B3GALT5: variants seen among roughly 807,000 people sequenced by gnomAD.
The protein encoded by B3GALT5 is UDP-Gal:betaGlcNAc beta 1,3-galactosyltransferase, polypeptide 5.
For missense variants in B3GALT5, 328 were observed against 396.6 expected (o/e 0.83, Z 1.47); for synonymous variants, 156 against 158.6 (o/e 0.98, Z 0.12).
chr21:39,641,022 G>A (rs934066962), intron 1 of B3GALT5, among the ~76,000 whole-genome samples: 8 of 152,154 alleles, frequency 5.3e-5, no homozygotes, highest in Admixed American at 2.6e-4. Context: ...TGGGATTATA[G>A]GTGTGAACCA....
intron 1 of B3GALT5, among the ~76,000 whole-genome samples, chr21:39,615,317 T>A (rs1012458937): frequency 1.3e-5 from 2 of 152,138 alleles, no homozygotes; most frequent in African/African-American, 4.8e-5. Flanking sequence ...TGTCTGAAGA[T>A]GAAAGGTGAA....
In B3GALT5 at chr21:39,613,056, GCCCCGCGCACGGTAAGGCCC is replaced by G. The variant is rs2079088081; in HGVS notation, c.-402_-392+9del. The G allele has an allele frequency of 6.7e-6, 1 of 150,254 alleles. No homozygotes were observed. The highest frequency in any genetic ancestry group is 2.4e-5 in the African/African-American group (1 of 41,164). 9.3% of individuals were successfully genotyped at this position (150,254 alleles called of 1,614,324 possible). On this transcript the variant is annotated splice_donor_variant and splice_donor_5th_base_variant and 5_prime_UTR_variant and intron_variant, in exon 1 of 4. Coordinates refer to ENST00000684187, the MANE Select transcript of B3GALT5 (RefSeq NM_001356336.2). LOFTEE classifies it low-confidence loss of function (5UTR_SPLICE). Reference sequence around the variant, plus strand: ...CAGCCCGACTGGGCCTGCCGGGGCTGCCCCGCGCACGGTAAGGCCCGGGGCTGGGGCGCGGGGCGCGGGGA... The same window carrying G: ...CAGCCCGACTGGGCCTGCCGGGGCTGGGGGCTGGGGCGCGGGGCGCGGGGA...
rs1339810547 is a variant in B3GALT5 at position 39,672,170 on chromosome 21, AG to A, written c.*10680del. On this transcript the variant is annotated 3_prime_UTR_variant, in exon 4 of 4. Coordinates refer to ENST00000684187, the MANE Select transcript of B3GALT5 (RefSeq NM_001356336.2). The stretch of plus-strand genomic sequence containing the variant: ...TGGCCAGTGTGGCGTGGACACAGCC[AG>A]GCGCAGACCCTCCTGCCAGCGAAGC... The A allele has an allele frequency of 1.3e-5, 2 of 152,248 alleles. No individual in the cohort carries two copies. Among genetic ancestry groups the A allele is most frequent in the African/African-American group, 4.8e-5 (2 of 41,460 alleles). 9.4% of individuals were successfully genotyped at this position (152,248 alleles called of 1,614,324 possible).
At position 39,661,140 on chromosome 21, in the gene B3GALT5, C is replaced by T; in HGVS notation, c.581C>T (p.Pro194Leu). The stretch of plus-strand genomic sequence containing the variant: ...CTCAATGAGTTTCCCATCAGGCAGC[C>T]ATTCAGCAAGTGGTTTGTCAGTAAA... The part of the protein sequence containing the change: ...LKLNEFPIRQ[P>L]FSKWFVSKSE... Residue 194 changes from proline to leucine, a missense_variant, in exon 4 of 4, where the codon CCA becomes CTA. By Grantham distance (98) the Pro-to-Leu change is moderately conservative. Coordinates refer to ENST00000684187, the MANE Select transcript of B3GALT5 (RefSeq NM_001356336.2). The surrounding 1 kb of genome is among the most constrained non-coding windows in gnomAD (Gnocchi z 4.7). The T allele has an allele frequency of 2.5e-6, 4 of 1,614,002 alleles. No homozygotes were observed. The highest frequency in any genetic ancestry group is 3.4e-6 in the Non-Finnish European group (4 of 1,179,892).
intron 1 of B3GALT5, among the ~76,000 whole-genome samples, chr21:39,624,614 GT>G (rs1420603352): frequency 6.6e-6 from 1 of 152,160 alleles, no homozygotes; most frequent in Non-Finnish European, 1.5e-5. Context: ...TGGAGTGCTG[GT>G]TTTACTGAGG....
chr21:39,639,484 T>TTCTTTCTC (rs201998323), intron 1 of B3GALT5, among the ~76,000 whole-genome samples: 12,420 of 135,116 alleles, frequency 0.092, 1,159 homozygotes, highest in Non-Finnish European at 0.13. Flanking sequence ...CTCTCTTTCT[T>TTCTTTCTC]TCTTTCTTTT....
At chr21:39,641,799 C>T (rs1250947149) in intron 1 of B3GALT5, among the ~76,000 whole-genome samples, 1 of 152,158 alleles carries the variant, frequency 6.6e-6, no homozygotes, top group Non-Finnish European at 1.5e-5. Context: ...TCTCTTTCTC[C>T]TGGTCTCTCT....
chr21:39,646,829 A>AGTGGCTC (rs1157144229), intron 2 of B3GALT5, among the ~76,000 whole-genome samples: 3 of 152,156 alleles, frequency 2.0e-5, no homozygotes, highest in Non-Finnish European at 2.9e-5. Flanking sequence ...GGTTGGGTGC[A>AGTGGCTC]GTGGCTCATG....
intron 1 of B3GALT5, among the ~76,000 whole-genome samples, chr21:39,639,234 AC>A (rs1320532920): frequency 3.3e-5 from 5 of 152,062 alleles, no homozygotes; most frequent in African/African-American, 4.8e-5. Context: ...ATAAGTTGTA[AC>A]ATGTTCCAGA....
chr21:39,639,347 T>TTTCTTTCTTTTTTTCCTTCCTTCC (rs762994044), intron 1 of B3GALT5, among the ~76,000 whole-genome samples: 83 of 66,778 alleles, frequency 1.2e-3, no homozygotes, highest in Non-Finnish European at 1.2e-3. Context: ...TCTTTCTTTC[T>TTTCTTTCTTTTTTTCCTTCCTTCC]TTCCTTCCTT....
At chr21:39,614,444 C>T (rs945116711) in intron 1 of B3GALT5, among the ~76,000 whole-genome samples, 3 of 152,220 alleles carry the variant, frequency 2.0e-5, no homozygotes, top group African/African-American at 7.2e-5. Context: ...AGATGTTTCA[C>T]TATGCTGTCA....
chr21:39,613,145 G>A (rs994430927), intron 1 of B3GALT5, 78 bp downstream of exon 1: 1 of 149,654 alleles, frequency 6.7e-6, no homozygotes, highest in East Asian at 1.9e-4. Context: ...GCGCGCGGGG[G>A]CGTGGGTGCC....
chr21:39,659,164 G>A (rs1276356537), intron 2 of B3GALT5, among the ~76,000 whole-genome samples: 1 of 152,150 alleles, frequency 6.6e-6, no homozygotes, highest in Admixed American at 6.5e-5. Context: ...CAGGAGGATC[G>A]CTTGAGCCCA....
intron 2 of B3GALT5, among the ~76,000 whole-genome samples, chr21:39,659,188 G>A (rs963485595): frequency 6.6e-6 from 1 of 152,204 alleles, no homozygotes; most frequent in Admixed American, 6.5e-5. Flanking sequence ...GTTCAGGGCT[G>A]TAGTGAGCTA....
At chr21:39,623,241 C>CCCTTCCTTCCTTCCTTCCTT (rs1182848314) in intron 1 of B3GALT5, among the ~76,000 whole-genome samples, 38 of 17,894 alleles carry the variant, frequency 2.1e-3, no homozygotes, top group East Asian at 6.2e-3. Context: ...CTCCCTCCCT[C>CCCTTCCTTCCTTCCTTCCTT]CCTTCCTTCC....
In B3GALT5 at chr21:39,660,811, G is replaced by T; in HGVS notation, c.252G>T (p.Arg84Ser). 6.3e-7 allele frequency: 1 copy of T among 1,593,606 alleles called. No homozygotes were observed. Among genetic ancestry groups the T allele is most frequent in the East Asian group, 2.2e-5 (1 of 44,704 alleles). Residue 84 changes from arginine to serine, a missense_variant, in exon 4 of 4, where the codon AGG (arginine) becomes AGT (serine). Coordinates refer to ENST00000684187, the MANE Select transcript of B3GALT5 (RefSeq NM_001356336.2). ...TCCGGCAGACGTGGGGGAAAGAGAGGATGGTGAAGGGAAAGCAGCTGAAGA... is the reference window on the plus strand; with the variant it reads ...TCCGGCAGACGTGGGGGAAAGAGAGTATGGTGAAGGGAAAGCAGCTGAAGA... ...MAIRQTWGKE[R>S]MVKGKQLKTF... is the part of the protein sequence containing the mutation.
chr21:39,640,049 TGTAGTTGCTGCCATG>T (rs796725368), intron 1 of B3GALT5, among the ~76,000 whole-genome samples: 64 of 149,796 alleles, frequency 4.3e-4, no homozygotes, highest in African/African-American at 1.5e-3. Context: ...CTGAAGCTCC[TGTAGTTGCTGCCATG>T]GTAGAGGGTG....
At position 39,654,758 on chromosome 21, in the gene B3GALT5, G is replaced by A. The variant is rs919919735; in HGVS notation, c.-160-4995G>A. Among the ~76,000 whole-genome samples the A allele has an allele frequency of 4.6e-5, 7 of 152,138 alleles. No homozygotes were observed. The South Asian group carries it at 8.3e-4, about 18-fold the overall frequency. ...AGTCAGGAGCCATCCACATTGAGGC[G>A]AGAACCTCCAGCAGTAAAAAGATTA... On this transcript the variant is annotated intron_variant, in intron 2 of 3. Transcript: ENST00000684187.
At chr21:39,622,033 T>C (rs1337739894) in intron 1 of B3GALT5, among the ~76,000 whole-genome samples, 2 of 152,140 alleles carry the variant, frequency 1.3e-5, no homozygotes, top group African/African-American at 4.8e-5. Context: ...TATAACTTTA[T>C]TTCTAAATAA....
Sources: gnomAD v4.1 joint callset for allele counts (sites outside exome capture counted in the v4.1 genomes callset) on GRCh38, gnomAD v4.1.1 for gene constraint, Gnocchi (gnomAD v3.1) non-coding constraint, MANE v1.5 for transcripts, NCBI Gene and HGNC (gene_info 2026-07-23, HGNC 2026-07-21) for gene names.